Variants in LMX1A observed in about 807,000 individuals in gnomAD.
LMX1A encodes LIM homeobox transcription factor 1 alpha.
Under a neutral mutation model 49.1 loss-of-function variants are expected in LMX1A, and 15 were observed. That is an observed-to-expected ratio of 0.31 (90% CI 0.20 to 0.47). LMX1A has a LOEUF of 0.47. LMX1A is among the 20% of genes least tolerant of loss of function. The probability of loss-of-function intolerance (pLI) is 1.00; values close to 1 mark genes in which losing one functional copy is unlikely to be tolerated. For missense variants in LMX1A, 372 were observed against 475.8 expected (o/e 0.78, Z 2.03); for synonymous variants, 167 against 185.7 (o/e 0.90, Z 0.82).
chr1:165,334,449 G>A (rs1286397407), intron 3 of LMX1A, among the ~76,000 whole-genome samples: 4 of 152,048 alleles, frequency 2.6e-5, no homozygotes, highest in Non-Finnish European at 4.4e-5. Context: ...ATTCCTTTGA[G>A]GTTGGTAATA....
chr1:165,345,931 C>CA (rs1656230352), intron 3 of LMX1A, among the ~76,000 whole-genome samples: 1 of 151,966 alleles, frequency 6.6e-6, no homozygotes, highest in African/African-American at 2.4e-5. Context: ...ATGGTCTGGG[C>CA]AAAAAATGAG....
intron 1 of LMX1A, 73 bp downstream of exon 1, chr1:165,356,282 G>A (rs1274917723): frequency 2.0e-5 from 3 of 152,286 alleles, no homozygotes; most frequent in Non-Finnish European, 2.9e-5. Flanking sequence ...GCTCACTCTT[G>A]GATGCATTTC....
At chr1:165,339,511 G>A (rs1184887299) in intron 3 of LMX1A, among the ~76,000 whole-genome samples, 6 of 152,312 alleles carry the variant, frequency 3.9e-5, no homozygotes, top group South Asian at 2.1e-4. Context: ...GGTGAGCTTC[G>A]CATTGAGATG....
At chr1:165,354,423 G>A (rs2101776609) in intron 2 of LMX1A, among the ~76,000 whole-genome samples, 1 of 152,304 alleles carries the variant, frequency 6.6e-6, no homozygotes, top group East Asian at 1.9e-4. Flanking sequence ...AGGACACAGA[G>A]TAAAAAGCGA....
In LMX1A at chr1:165,203,647, C is replaced by T. The variant is rs1473694324; in HGVS notation, c.*233G>A. ...AAGTCTCTGTCCTTAATGATAAACA[C>T]GTCTTCATATCTAATGCTAAGACTC... is the stretch of plus-strand genomic sequence containing the variant. On this transcript the variant is annotated 3_prime_UTR_variant, in exon 9 of 9. Coordinates refer to ENST00000342310, the MANE Select transcript of LMX1A (RefSeq NM_177398.4). 1.5e-5 allele frequency: 6 copies of T among 394,426 alleles called. No homozygotes were observed. The highest frequency in any genetic ancestry group is 4.0e-5 in the African/African-American group (2 of 50,478). 24.4% of individuals were successfully genotyped at this position (394,426 alleles called of 1,614,324 possible). A position where few individuals can be genotyped will look rare whatever the true frequency, so the allele number is the denominator to read the frequency against.
intron 3 of LMX1A, among the ~76,000 whole-genome samples, chr1:165,341,589 A>AATAT (rs5778445): frequency 0.013 from 1,862 of 146,600 alleles, 33 homozygotes; most frequent in African/African-American, 0.035. Context: ...CAATAAACCA[A>AATAT]ATATATATAT....
chr1:165,206,374 C>A (rs1651080344), intron 7 of LMX1A, among the ~76,000 whole-genome samples: 1 of 152,094 alleles, frequency 6.6e-6, no homozygotes, highest in East Asian at 1.9e-4. Context: ...GACCAGTTGA[C>A]CTCATTGGGT....
chr1:165,296,974 G>T (rs1481828373), intron 3 of LMX1A, among the ~76,000 whole-genome samples: 1 of 152,342 alleles, frequency 6.6e-6, no homozygotes, highest in Admixed American at 6.5e-5. Context: ...TGTACAGGAA[G>T]GTCCGCAAAC....
At chr1:165,295,735 T>C (rs1486119396) in intron 3 of LMX1A, among the ~76,000 whole-genome samples, 1 of 152,116 alleles carries the variant, frequency 6.6e-6, no homozygotes, top group Non-Finnish European at 1.5e-5. Context: ...AAAGGTGAGA[T>C]TGTCCCTGCT....
chr1:165,204,020 C>T lies in LMX1A; in HGVS notation c.1009G>A (p.Asp337Asn), dbSNP rs1364622329. ...AGGGAGGTGTCGTCGCTATCCAGGTCATGGAAAAGGGGCTCGGCACCTGAA... is the reference window on the plus strand; with the variant it reads ...AGGGAGGTGTCGTCGCTATCCAGGTTATGGAAAAGGGGCTCGGCACCTGAA... ...HPYGAEPLFH[D>N]LDSDDTSLSN... The change falls in exon 9 of 9, where the codon GAC (aspartate) becomes AAC (asparagine). Residue 337 changes from aspartate to asparagine, a missense_variant. Coordinates refer to ENST00000342310, the MANE Select transcript of LMX1A (RefSeq NM_177398.4). The T allele has an allele frequency of 7.4e-6, 12 of 1,614,058 alleles. No homozygotes were observed. Among genetic ancestry groups the T allele is most frequent in the Non-Finnish European group, 1.0e-5 (12 of 1,180,000 alleles).
chr1:165,230,717 T>C (rs1652209698), intron 4 of LMX1A, among the ~76,000 whole-genome samples: 1 of 152,206 alleles, frequency 6.6e-6, no homozygotes, highest in Non-Finnish European at 1.5e-5. Context: ...TCACATTTCC[T>C]CGGATAGGAA....
At chr1:165,242,929 C>CAAAAAAAAAAAAAAAAA (rs35937155) in intron 4 of LMX1A, among the ~76,000 whole-genome samples, 64 of 115,154 alleles carry the variant, frequency 5.6e-4, no homozygotes, top group Non-Finnish European at 8.1e-4. Context: ...AACTCCACCT[C>CAAAAAAAAAAAAAAAAA]AAAAAAAAAA....
intron 3 of LMX1A, among the ~76,000 whole-genome samples, chr1:165,327,364 C>A (rs1477983331): frequency 6.6e-6 from 1 of 152,228 alleles, no homozygotes; most frequent in Non-Finnish European, 1.5e-5. Context: ...AGGACTACTG[C>A]AGTAGACATG....
intron 3 of LMX1A, among the ~76,000 whole-genome samples, chr1:165,312,277 G>C (rs1001268024): frequency 3.9e-5 from 6 of 152,210 alleles, no homozygotes; most frequent in Non-Finnish European, 8.8e-5. Flanking sequence ...TACAGTCTGG[G>C]AAATCAGGAG....
intron 3 of LMX1A, among the ~76,000 whole-genome samples, chr1:165,315,399 G>GA (rs1655188930): frequency 6.6e-6 from 1 of 152,154 alleles, no homozygotes; most frequent in Non-Finnish European, 1.5e-5. Context: ...AAGCCCCCCA[G>GA]GCCCAGCACA....
intron 4 of LMX1A, among the ~76,000 whole-genome samples, chr1:165,230,750 G>A (rs1506952): frequency 0.11 from 16,147 of 152,228 alleles, 1,097 homozygotes; most frequent in Admixed American, 0.14. Flanking sequence ...ATAAGGAAAG[G>A]AGCTTATCCA....
chr1:165,214,541 T>C (rs552979876), intron 4 of LMX1A, among the ~76,000 whole-genome samples: 44 of 152,324 alleles, frequency 2.9e-4, no homozygotes, highest in African/African-American at 1.1e-3. Context: ...ATTAAATGAG[T>C]TTATACCAGT....
intron 3 of LMX1A, among the ~76,000 whole-genome samples, chr1:165,325,210 T>C (rs577438164): frequency 1.3e-5 from 2 of 152,304 alleles, no homozygotes; most frequent in Non-Finnish European, 1.5e-5. Context: ...CGTTAGAAGA[T>C]CTCTATCTGG....
intron 3 of LMX1A, among the ~76,000 whole-genome samples, chr1:165,250,184 T>A (rs1653006780): frequency 6.6e-6 from 1 of 152,034 alleles, no homozygotes; most frequent in African/African-American, 2.4e-5. Flanking sequence ...ATGGCACACG[T>A]TTACCTAGGT....
Sources: allele counts gnomAD v4.1 joint callset (sites outside exome capture counted in the v4.1 genomes callset), GRCh38; gene constraint gnomAD v4.1.1; transcripts MANE v1.5; gene names NCBI Gene and HGNC (gene_info 2026-07-23, HGNC 2026-07-21).